The following RBFOX1 variants were observed in gnomAD, a reference collection of about 807,000 sequenced individuals.
RBFOX1 encodes RNA binding fox-1 homolog 1, also known as RNA binding protein fox-1 homolog 1.
A neutral mutation model predicts 57.7 loss-of-function variants in RBFOX1; 8 were observed. That is an observed-to-expected ratio of 0.14 (90% CI 0.08 to 0.25). RBFOX1 has a LOEUF of 0.25. Among genes scored for constraint, RBFOX1 ranks in the 10% least tolerant of loss-of-function variants. The probability of loss-of-function intolerance (pLI) is 1.00; values close to 1 mark genes in which losing one functional copy is unlikely to be tolerated. For missense variants in RBFOX1, 611 were observed against 548.5 expected, an observed-to-expected ratio of 1.11 and a Z score of -1.14; for synonymous variants, 326 against 222.4, an observed-to-expected ratio of 1.47 and a Z score of -4.15.
At chr16:5,536,766 C>G (rs924187779) in intron 2 of RBFOX1, among the ~76,000 whole-genome samples, 3 of 150,100 alleles carry the variant, frequency 2.0e-5, no homozygotes, top group Non-Finnish European at 1.5e-5. Flanking sequence ...GATGTAACAT[C>G]TTATTGTAAT....
intron 4 of RBFOX1, among the ~76,000 whole-genome samples, chr16:7,489,116 C>G (rs965447929): frequency 1.3e-5 from 2 of 152,186 alleles, no homozygotes; most frequent in African/African-American, 2.4e-5. Flanking sequence ...TTTTCTCATT[C>G]TGTCCAAATC....
At chr16:7,565,677 T>A (rs949491744) in intron 5 of RBFOX1, among the ~76,000 whole-genome samples, 1 of 152,224 alleles carries the variant, frequency 6.6e-6, no homozygotes, top group Non-Finnish European at 1.5e-5. Context: ...ATTGTCAACT[T>A]AATCAAATAA....
At chr16:7,048,201 T>TA (rs1044913944) in intron 3 of RBFOX1, among the ~76,000 whole-genome samples, 3 of 151,984 alleles carry the variant, frequency 2.0e-5, no homozygotes, top group Admixed American at 1.3e-4. Context: ...TTTATTTTTT[T>TA]AAAAAAATTT....
intron 2 of RBFOX1, among the ~76,000 whole-genome samples, chr16:6,466,605 C>G (rs1388447015): frequency 6.6e-6 from 1 of 152,140 alleles, no homozygotes. Context: ...TTGACAATTC[C>G]ATGGGCAGAA....
intron 4 of RBFOX1, among the ~76,000 whole-genome samples, chr16:7,380,035 T>C (rs1424832725): frequency 6.6e-6 from 1 of 152,064 alleles, no homozygotes; most frequent in Non-Finnish European, 1.5e-5. Context: ...TTAAAGAAAA[T>C]TTTTAGAGAA....
At chr16:7,206,027 C>T (rs1274810076) in intron 4 of RBFOX1, among the ~76,000 whole-genome samples, 3 of 152,208 alleles carry the variant, frequency 2.0e-5, no homozygotes, top group Non-Finnish European at 4.4e-5. Context: ...CTTGCCCACC[C>T]AGAGGCGAGT....
At chr16:7,202,802 G>GT (rs2088928104) in intron 4 of RBFOX1, among the ~76,000 whole-genome samples, 1 of 152,120 alleles carries the variant, frequency 6.6e-6, no homozygotes, top group Non-Finnish European at 1.5e-5. Context: ...CCCTGCAACA[G>GT]CCCCCCACCC....
At chr16:5,949,864 C>T (rs985458070) in intron 4 of RBFOX1, among the ~76,000 whole-genome samples, 1 of 152,180 alleles carries the variant, frequency 6.6e-6, no homozygotes, top group Non-Finnish European at 1.5e-5. Flanking sequence ...GCAGGGGATT[C>T]TGAGACAAGC....
chr16:7,275,993 G>C (rs1224471590), intron 4 of RBFOX1, among the ~76,000 whole-genome samples: 3 of 152,158 alleles, frequency 2.0e-5, no homozygotes, highest in African/African-American at 7.2e-5. Context: ...AGATAGCTGA[G>C]ATTACACACT....
Position 6,625,726 on chromosome 16 carries a change from C to T in RBFOX1, c.-63-28877C>T, listed in dbSNP as rs560696138. On this transcript the variant is annotated intron_variant, in intron 2 of 15. Transcript: ENST00000550418. ...AATGTAATCTTGTTTCTGTTATTTC[C>T]ACCATATTTTTCAATCCAGTGAGCC... is the stretch of plus-strand genomic sequence containing the variant. Among the ~76,000 whole-genome samples the T allele has an allele frequency of 3.9e-5, 6 of 151,968 alleles. 1 individual carries two copies. The East Asian group carries it at 1.2e-3, about 30-fold the overall frequency.
chr16:6,465,682 ATTTG>A, intron 2 of RBFOX1, among the ~76,000 whole-genome samples: 1 of 146,600 alleles, frequency 6.8e-6, no homozygotes, highest in Non-Finnish European at 1.5e-5. Flanking sequence ...GGCCCTGCAT[ATTTG>A]TTTCTGTATT....
At chr16:5,411,813 G>T (rs1194937458) in intron 1 of RBFOX1, among the ~76,000 whole-genome samples, 1 of 152,108 alleles carries the variant, frequency 6.6e-6, no homozygotes, top group Non-Finnish European at 1.5e-5. Flanking sequence ...AGCCTGGGAA[G>T]TGGAGGCTGC....
intron 2 of RBFOX1, among the ~76,000 whole-genome samples, chr16:6,342,160 G>T (rs1347338887): frequency 1.3e-5 from 2 of 152,148 alleles, no homozygotes; most frequent in Admixed American, 6.5e-5. Context: ...TGGTCAATTT[G>T]CATTTCAAAG....
At chr16:6,294,242 G>C (rs1370981747) in intron 1 of RBFOX1, among the ~76,000 whole-genome samples, 4 of 152,286 alleles carry the variant, frequency 2.6e-5, no homozygotes, top group East Asian at 3.9e-4. Flanking sequence ...AATGTCTAAA[G>C]GCAATAGAGA....
At chr16:6,594,967 A>G (rs2097762547) in intron 2 of RBFOX1, among the ~76,000 whole-genome samples, 1 of 151,946 alleles carries the variant, frequency 6.6e-6, no homozygotes, top group South Asian at 2.1e-4. Flanking sequence ...TTTTGTGTTT[A>G]TAGCAGAGAC....
chr16:7,522,250 T>G (rs1405770787), intron 5 of RBFOX1, among the ~76,000 whole-genome samples: 3 of 152,110 alleles, frequency 2.0e-5, no homozygotes, highest in Non-Finnish European at 4.4e-5. Flanking sequence ...GAAGCTTGAA[T>G]TGGTGTTAAT....
chr16:7,185,578 A>T (rs980539274), intron 4 of RBFOX1, among the ~76,000 whole-genome samples: 6 of 152,230 alleles, frequency 3.9e-5, no homozygotes, highest in South Asian at 2.1e-4. Flanking sequence ...GGTTTTCAAG[A>T]AACCCTGCCA....
chr16:6,055,288 G>C (rs1355268730), intron 1 of RBFOX1, among the ~76,000 whole-genome samples: 1 of 151,998 alleles, frequency 6.6e-6, no homozygotes, highest in African/African-American at 2.4e-5. Flanking sequence ...CAAGGATTTG[G>C]AGATACAGAA....
intron 3 of RBFOX1, among the ~76,000 whole-genome samples, chr16:6,850,143 C>T (rs1429862174): frequency 2.0e-5 from 3 of 152,106 alleles, no homozygotes; most frequent in Admixed American, 1.3e-4. Flanking sequence ...AGTTCCTGCA[C>T]CCTAGGGTTC....
Sources: allele counts gnomAD v4.1 joint callset (sites outside exome capture counted in the v4.1 genomes callset), GRCh38; gene constraint gnomAD v4.1.1; transcripts MANE v1.5; gene names NCBI Gene and HGNC (gene_info 2026-07-23, HGNC 2026-07-21).